DDI2: variants seen among roughly 807,000 people sequenced by gnomAD.
DDI2 encodes DDI proteasomal shuttling factor 2, also known as protein DDI1 homolog 2.
Under a neutral mutation model 48.1 loss-of-function variants are expected in DDI2, and 5 were observed. That is an observed-to-expected ratio of 0.10 (90% CI 0.05 to 0.22). DDI2 has a LOEUF of 0.22. Among genes scored for constraint, DDI2 ranks in the 10% least tolerant of loss-of-function variants. The pLI, the probability that DDI2 is intolerant of heterozygous loss-of-function variation, is 1.00. For missense variants in DDI2, 285 were observed against 506.2 expected, an observed-to-expected ratio of 0.56 and a Z score of 4.19; for synonymous variants, 205 against 183.6, an observed-to-expected ratio of 1.12 and a Z score of -0.94.
At chr1:15,633,819 C>T (rs760030524) in intron 4 of DDI2, 6 of 496,078 alleles carry the variant, frequency 1.2e-5, no homozygotes, top group Non-Finnish European at 2.3e-5. Context: ...GACTAGCAGA[C>T]AGAGCATCAT....
intron 9 of DDI2, among the ~76,000 whole-genome samples, chr1:15,659,445 G>A (rs6695903): frequency 0.39 from 59,591 of 152,014 alleles, 14,744 homozygotes; most frequent in African/African-American, 0.7. Context: ...CTTCACAAGC[G>A]TCCCTGGTGG....
intron 6 of DDI2, among the ~76,000 whole-genome samples, chr1:15,644,660 C>T (rs576622711): frequency 1.6e-4 from 19 of 122,452 alleles, no homozygotes; most frequent in Non-Finnish European, 2.7e-4. Flanking sequence ...GTGGCGCTAT[C>T]TCGGCTCACT....
In DDI2 at chr1:15,661,798, A is replaced by G; in HGVS notation, c.*2008A>G. 6.7e-7 allele frequency: 1 copy of G among 1,484,762 alleles called. No homozygotes were observed. The highest frequency in any genetic ancestry group is 9.0e-7 in the Non-Finnish European group (1 of 1,115,726). The allele number at this position is 1,484,762 out of a possible 1,614,324, so 92.0% of individuals were successfully genotyped here. ...GCTCTCTCTATATACACGCACACAT[A>G]CACACTCACCACATATACAGTATAT... is the stretch of plus-strand genomic sequence containing the variant. On this transcript the variant is annotated 3_prime_UTR_variant, in exon 10 of 10. Coordinates refer to ENST00000480945, the MANE Select transcript of DDI2 (RefSeq NM_032341.5).
chr1:15,666,578 G>A lies in DDI2; in HGVS notation c.*6788G>A, dbSNP rs1354044972. 1 of 152,150 alleles carries A rather than the reference G, an allele frequency of 6.6e-6. No individual in the cohort carries two copies. Among genetic ancestry groups the A allele is most frequent in the East Asian group, 1.9e-4 (1 of 5,194 alleles). 9.4% of individuals were successfully genotyped at this position (152,150 alleles called of 1,614,324 possible). On this transcript the variant is annotated 3_prime_UTR_variant, in exon 10 of 10. Transcript: ENST00000480945. The stretch of plus-strand genomic sequence containing the variant: ...ATCTTACATATTTGAAAGGAAATTG[G>A]TACTCTTGAAGGCTATGCAACATGA...
intron 8 of DDI2, among the ~76,000 whole-genome samples, chr1:15,652,861 G>C (rs1309861409): frequency 1.3e-5 from 2 of 151,234 alleles, no homozygotes; most frequent in Non-Finnish European, 2.9e-5. Flanking sequence ...AAAATTAGCA[G>C]GGTGCAGTGG....
At position 15,617,808 on chromosome 1, in the gene DDI2, G is replaced by T; in HGVS notation, c.138G>T (p.Gln46His). 6.3e-7 allele frequency: 1 copy of T among 1,594,698 alleles called. No homozygotes were observed. The highest frequency in any genetic ancestry group is 1.1e-5 in the South Asian group (1 of 89,820). The change falls in exon 1 of 10, where the codon CAG (glutamine) becomes CAT (histidine). Residue 46 changes from glutamine to histidine, a missense_variant and splice_region_variant. Physicochemically the swap from Gln to His is conservative, Grantham distance 24. Around this residue, in one of 3 missense-constraint regions of DDI2, gnomAD observed 149 missense variants for 236.5 expected, o/e 0.63. Transcript: ENST00000480945. ...CTGGCATCCCCGCAGCCGAGAGCCA[G>T]GTACGCCGGGCAGCGAGCCGGGCCT... ...LESGIPAAES[Q>H]IVYAERPLTD...
chr1:15,649,492 A>G (rs2104038), intron 6 of DDI2, among the ~76,000 whole-genome samples: 52,916 of 151,914 alleles, frequency 0.35, 10,944 homozygotes, highest in African/African-American at 0.57. Context: ...CCGACATGGC[A>G]AAACCCCGTC....
chr1:15,625,610 A>G (rs534678577), intron 1 of DDI2, among the ~76,000 whole-genome samples: 69 of 151,532 alleles, frequency 4.6e-4, no homozygotes, highest in African/African-American at 1.6e-3. Flanking sequence ...GTTTCACTTT[A>G]TTTTCCAGTC....
chr1:15,648,406 G>A (rs1052239009), intron 6 of DDI2, among the ~76,000 whole-genome samples: 3 of 152,168 alleles, frequency 2.0e-5, no homozygotes, highest in Non-Finnish European at 4.4e-5. Flanking sequence ...CAGTATGTTG[G>A]GGGTGGCAGT....
intron 4 of DDI2, among the ~76,000 whole-genome samples, chr1:15,636,353 C>T (rs113409375): frequency 1.3e-5 from 2 of 152,064 alleles, no homozygotes; most frequent in Non-Finnish European, 2.9e-5. Context: ...GTCTTGAAGT[C>T]CTGGGCTCGA....
chr1:15,651,199 A>G (rs1036065999), intron 7 of DDI2, among the ~76,000 whole-genome samples: 2 of 152,146 alleles, frequency 1.3e-5, no homozygotes, highest in African/African-American at 4.8e-5. Context: ...GTATGTATCA[A>G]TAAAACCTTG....
chr1:15,640,016 G>A (rs1227101824), intron 5 of DDI2, among the ~76,000 whole-genome samples: 1 of 150,120 alleles, frequency 6.7e-6, no homozygotes, highest in East Asian at 1.9e-4. Context: ...CCCTGCCTTC[G>A]GGGGAAAAAA....
intron 1 of DDI2, among the ~76,000 whole-genome samples, chr1:15,619,686 C>T (rs918471560): frequency 1.8e-4 from 27 of 152,012 alleles, no homozygotes; most frequent in Middle Eastern, 6.8e-3. Context: ...TGGTCTCGAT[C>T]TCCTGACCTC....
intron 5 of DDI2, among the ~76,000 whole-genome samples, chr1:15,640,330 T>G (rs566823738): frequency 3.6e-4 from 55 of 152,360 alleles, no homozygotes; most frequent in African/African-American, 1.2e-3. Flanking sequence ...CTTTGTTCTA[T>G]AATTCCTGTT....
chr1:15,623,089 T>C (rs111530120), intron 1 of DDI2, among the ~76,000 whole-genome samples: 1,789 of 152,338 alleles, frequency 0.012, 13 homozygotes, highest in Non-Finnish European at 0.019. Flanking sequence ...TGAGGAAATA[T>C]TGTGGCAACT....
rs1299435031 is a variant in DDI2, at chr1:15,660,405, A to C, written c.*615A>C. The C allele has an allele frequency of 1.2e-6, 2 of 1,614,004 alleles. No individual in the cohort carries two copies. Among genetic ancestry groups the C allele is most frequent in the Admixed American group, 3.3e-5 (2 of 59,956 alleles). Reference sequence around the variant, plus strand: ...CAGGGAATGAACAGTATGAGGTTGCACAACAAAAAGCTTCACATGACCAAG... The same window carrying C: ...CAGGGAATGAACAGTATGAGGTTGCCCAACAAAAAGCTTCACATGACCAAG... On this transcript the variant is annotated 3_prime_UTR_variant, in exon 10 of 10. Transcript: ENST00000480945.
chr1:15,639,853 C>G (rs1449878896), intron 5 of DDI2, among the ~76,000 whole-genome samples: 1 of 151,666 alleles, frequency 6.6e-6, no homozygotes, highest in African/African-American at 2.4e-5. Context: ...ACAAAAAATA[C>G]AAAAATTAGC....
At chr1:15,618,218 T>A (rs2103457561) in intron 1 of DDI2, among the ~76,000 whole-genome samples, 1 of 152,102 alleles carries the variant, frequency 6.6e-6, no homozygotes, top group African/African-American at 2.4e-5. Context: ...GAAATACCAG[T>A]TTGGATCACT....
intron 2 of DDI2, among the ~76,000 whole-genome samples, chr1:15,628,911 A>G (rs753890443): frequency 3.9e-4 from 59 of 152,162 alleles, no homozygotes; most frequent in Non-Finnish European, 7.8e-4. Context: ...TTCTGTCTCT[A>G]TGTATTTACC....
Sources: gnomAD v4.1 joint callset for allele counts (sites outside exome capture counted in the v4.1 genomes callset) on GRCh38, gnomAD v4.1.1 for gene constraint, gnomAD v4.1.1 regional missense constraint, MANE v1.5 for transcripts, NCBI Gene and HGNC (gene_info 2026-07-23, HGNC 2026-07-21) for gene names.